Variants in CRADD observed in about 807,000 individuals in gnomAD.
The protein encoded by CRADD is death domain-containing protein CRADD.
CRADD carries 9 observed loss-of-function variants against 15.5 expected under a neutral mutation model. The observed-to-expected ratio is 0.58, with a 90% confidence interval of 0.35 to 1.01. The LOEUF (loss-of-function observed/expected upper bound fraction) is 1.01, where lower values mean the gene tolerates loss of function less well. Among genes scored for constraint, CRADD ranks in the 50% least tolerant of loss-of-function variants. CRADD has a pLI of 0.02. For synonymous variants in CRADD, 118 were observed against 107.6 expected (o/e 1.10, Z -0.60); for missense variants, 227 against 250.3 (o/e 0.91, Z 0.63).
At chr12:93,803,871 A>T (rs937524366) in intron 2 of CRADD, among the ~76,000 whole-genome samples, 1 of 152,126 alleles carries the variant, frequency 6.6e-6, no homozygotes, top group African/African-American at 2.4e-5. Context: ...ACAAGAAAAC[A>T]TTGGAAAAGG....
rs981585587 is a variant in CRADD, at chr12:93,881,445, G to C, written c.299-12605G>C. On this transcript the variant is annotated intron_variant, in intron 2 of 2. Transcript: ENST00000548483. ...AGCTCTCAAAAAAAAAGTGTGGGGG[G>C]GGGGTGGGGATCAATCCTTTGCAGC... Among the ~76,000 whole-genome samples, 76 of 140,804 alleles carry C rather than the reference G, an allele frequency of 5.4e-4. 1 individual carries two copies. Among genetic ancestry groups the C allele is most frequent in the African/African-American group, 1.6e-3 (65 of 40,168 alleles). The allele number at this position is 140,804 out of a possible 152,430, so 92.4% of individuals were successfully genotyped here. A position where few individuals can be genotyped will look rare whatever the true frequency, so the allele number is the denominator to read the frequency against.
intron 2 of CRADD, among the ~76,000 whole-genome samples, chr12:93,810,442 T>A (rs754463462): frequency 3.3e-5 from 5 of 151,160 alleles, no homozygotes; most frequent in African/African-American, 4.9e-5. Flanking sequence ...TCTCAGCTAC[T>A]TGGGAGGCTG....
At chr12:93,773,903 T>C (rs993494906) in intron 2 of CRADD, among the ~76,000 whole-genome samples, 3 of 144,420 alleles carry the variant, frequency 2.1e-5, no homozygotes, top group African/African-American at 7.7e-5. Context: ...TCTAGTGCAA[T>C]GGTGTGATCA....
At chr12:93,888,982 G>A (rs1428339509) in intron 2 of CRADD, among the ~76,000 whole-genome samples, 7 of 152,218 alleles carry the variant, frequency 4.6e-5, no homozygotes, top group Non-Finnish European at 7.3e-5. Flanking sequence ...TGGAGGAGTG[G>A]TGGGGTACAG....
intron 2 of CRADD, among the ~76,000 whole-genome samples, chr12:93,773,882 G>GC (rs990255091): frequency 3.5e-5 from 5 of 144,134 alleles, no homozygotes; most frequent in Non-Finnish European, 4.5e-5. Flanking sequence ...CAGTGGTGTG[G>GC]TTGTCCAGGC....
intron 2 of CRADD, among the ~76,000 whole-genome samples, chr12:93,757,933 A>ATG (rs1956909344): frequency 1.3e-5 from 2 of 152,220 alleles, no homozygotes; most frequent in African/African-American, 4.8e-5. Context: ...TGGCTTGGAC[A>ATG]AGGGTGGCAG....
intron 2 of CRADD, among the ~76,000 whole-genome samples, chr12:93,860,639 A>C (rs1958313118): frequency 6.6e-6 from 1 of 152,142 alleles, no homozygotes; most frequent in African/African-American, 2.4e-5. Context: ...TGAGGCCTGA[A>C]AGAACATTTT....
At chr12:93,755,621 C>A (rs1357564100) in intron 2 of CRADD, among the ~76,000 whole-genome samples, 1 of 152,192 alleles carries the variant, frequency 6.6e-6, no homozygotes, top group Non-Finnish European at 1.5e-5. Flanking sequence ...AGGCGTACCT[C>A]CTTTAGGTGT....
chr12:93,768,323 A>C (rs1957047070), intron 2 of CRADD, among the ~76,000 whole-genome samples: 1 of 152,212 alleles, frequency 6.6e-6, no homozygotes, highest in Admixed American at 6.5e-5. Context: ...ATTGCTTCAC[A>C]AGTGTATTTA....
chr12:93,742,985 A>T (rs1211501678), intron 2 of CRADD, among the ~76,000 whole-genome samples: 1 of 152,244 alleles, frequency 6.6e-6, no homozygotes, highest in Non-Finnish European at 1.5e-5. Context: ...CAGAATTAAA[A>T]ATAAATGTCT....
At chr12:93,891,308 G>A (rs770059707) in intron 2 of CRADD, among the ~76,000 whole-genome samples, 5 of 151,896 alleles carry the variant, frequency 3.3e-5, no homozygotes, top group African/African-American at 7.2e-5. Flanking sequence ...GGCCAACGTG[G>A]CAACCCCATC....
chr12:93,849,333 C>T (rs1329911311), intron 2 of CRADD: 2 of 152,306 alleles, frequency 1.3e-5, no homozygotes, highest in African/African-American at 4.8e-5. Context: ...TACAAAGCAG[C>T]ATGTACGAGG....
chr12:93,890,652 T>C (rs1958569730), intron 2 of CRADD, among the ~76,000 whole-genome samples: 2 of 152,152 alleles, frequency 1.3e-5, no homozygotes, highest in Admixed American at 1.3e-4. Flanking sequence ...ATGCAACCAA[T>C]TCTCAACCAG....
chr12:93,871,299 C>A (rs1958417105), intron 2 of CRADD, among the ~76,000 whole-genome samples: 1 of 152,078 alleles, frequency 6.6e-6, no homozygotes, highest in African/African-American at 2.4e-5. Flanking sequence ...TCTTGCCTCA[C>A]ATTAAATGGA....
chr12:93,845,563 AAT>A (rs757508123), intron 2 of CRADD, among the ~76,000 whole-genome samples: 2 of 71,390 alleles, frequency 2.8e-5, no homozygotes, highest in Admixed American at 1.2e-4. Context: ...GTCTCTATTA[AAT>A]ATATATATAT....
intron 2 of CRADD, among the ~76,000 whole-genome samples, chr12:93,869,613 C>T (rs1157748851): frequency 6.6e-6 from 1 of 151,998 alleles, no homozygotes; most frequent in East Asian, 1.9e-4. Context: ...TAAAAAAATG[C>T]AATCTCAGAA....
intron 2 of CRADD, among the ~76,000 whole-genome samples, chr12:93,890,301 A>T (rs1958567411): frequency 6.6e-6 from 1 of 152,248 alleles, no homozygotes; most frequent in African/African-American, 2.4e-5. Context: ...CACTGTGCTC[A>T]GCATTGAGTA....
At chr12:93,682,758 A>G (rs929268224) in intron 2 of CRADD, among the ~76,000 whole-genome samples, 3 of 151,914 alleles carry the variant, frequency 2.0e-5, no homozygotes, top group Non-Finnish European at 4.4e-5. Flanking sequence ...AACACCCTAA[A>G]CCTTTTGATT....
intron 2 of CRADD, among the ~76,000 whole-genome samples, chr12:93,793,783 A>G (rs1454461847): frequency 6.6e-6 from 1 of 152,176 alleles, no homozygotes; most frequent in Admixed American, 6.5e-5. Flanking sequence ...TGTTTTCTCT[A>G]CTTTTCTATA....
Sources: allele counts gnomAD v4.1 joint callset (sites outside exome capture counted in the v4.1 genomes callset), GRCh38; gene constraint gnomAD v4.1.1; transcripts MANE v1.5; gene names NCBI Gene and HGNC (gene_info 2026-07-23, HGNC 2026-07-21).